Variants in EPHA7 observed in about 807,000 individuals in gnomAD.
EPHA7 encodes ephrin type-A receptor 7.
A neutral mutation model predicts 112.6 loss-of-function variants in EPHA7; 25 were observed. The ratio of observed to expected loss-of-function variants is 0.22; its 90% CI spans 0.16 to 0.31. The LOEUF (loss-of-function observed/expected upper bound fraction) is 0.31, where lower values mean the gene tolerates loss of function less well. Among genes scored for constraint, EPHA7 ranks in the 10% least tolerant of loss-of-function variants. The probability of loss-of-function intolerance (pLI) is 1.00; values close to 1 mark genes in which losing one functional copy is unlikely to be tolerated. For missense variants in EPHA7, 962 were observed against 1,212.6 expected (o/e 0.79, Z 3.07); for synonymous variants, 437 against 406.5 (o/e 1.07, Z -0.90).
At chr6:93,320,380 C>T (rs1486753) in intron 5 of EPHA7, among the ~76,000 whole-genome samples, 26,768 of 151,896 alleles carry the variant, frequency 0.18, 2,770 homozygotes, top group East Asian at 0.34. Flanking sequence ...CATTCCAAAA[C>T]AGAACTCTTT....
At chr6:93,366,987 C>T (rs933605132) in intron 3 of EPHA7, among the ~76,000 whole-genome samples, 1 of 151,442 alleles carries the variant, frequency 6.6e-6, no homozygotes, top group African/African-American at 2.4e-5. Flanking sequence ...ACAGGAAAAG[C>T]AGTAAAATAA....
intron 11 of EPHA7, 102 bp downstream of exon 11, chr6:93,257,997 G>T: frequency 8.9e-7 from 1 of 1,122,120 alleles, no homozygotes; most frequent in Non-Finnish European, 1.3e-6. Context: ...CATTCATTTA[G>T]ACTGTGCAAC....
At chr6:93,270,165 T>C (rs1016160715) in intron 6 of EPHA7, among the ~76,000 whole-genome samples, 1 of 151,610 alleles carries the variant, frequency 6.6e-6, no homozygotes, top group Non-Finnish European at 1.5e-5. Context: ...ACCCTGAATT[T>C]CTCACAGAAT....
chr6:93,307,538 T>C (rs1162273634), intron 5 of EPHA7, among the ~76,000 whole-genome samples: 1 of 152,136 alleles, frequency 6.6e-6, no homozygotes, highest in African/African-American at 2.4e-5. Flanking sequence ...ATCTATTCAA[T>C]GAAAACTAAA....
intron 5 of EPHA7, among the ~76,000 whole-genome samples, chr6:93,313,663 T>A (rs906627618): frequency 3.9e-5 from 6 of 152,038 alleles, no homozygotes; most frequent in Non-Finnish European, 7.4e-5. Flanking sequence ...ACCCAAGGCA[T>A]TTTTTCATAT....
At chr6:93,402,216 C>T (rs1210487168) in intron 3 of EPHA7, among the ~76,000 whole-genome samples, 3 of 151,900 alleles carry the variant, frequency 2.0e-5, no homozygotes, top group Non-Finnish European at 2.9e-5. Context: ...TTCTTTCTAT[C>T]CTTCTTTATT....
chr6:93,245,287 T>C lies in EPHA7; in HGVS notation c.2882+11A>G, dbSNP rs201162846. The C allele has an allele frequency of 8.1e-5, 130 of 1,610,710 alleles. No individual in the cohort carries two copies. The East Asian group carries it at 2.9e-3, about 36-fold the overall frequency. On this transcript the variant is annotated intron_variant, in intron 16 of 16. Coordinates refer to ENST00000369303, the MANE Select transcript of EPHA7 (RefSeq NM_004440.4). ...AAATCCTTAAATACAATTTTAAGAG[T>C]TTAAGCTTACTCAATAGTCATCCTG...
At chr6:93,286,420 G>A (rs1772067333) in intron 5 of EPHA7, among the ~76,000 whole-genome samples, 1 of 152,070 alleles carries the variant, frequency 6.6e-6, no homozygotes. Context: ...GCTGGGAAAT[G>A]GATTTTTAAA....
intron 5 of EPHA7, among the ~76,000 whole-genome samples, chr6:93,287,427 T>G (rs1772122288): frequency 6.6e-6 from 1 of 152,102 alleles, no homozygotes; most frequent in South Asian, 2.1e-4. Flanking sequence ...CTACTTTTCT[T>G]GGACTCTCAG....
In EPHA7 at chr6:93,356,911, C is replaced by T. The variant is rs758293765; in HGVS notation, c.1130G>A (p.Gly377Asp). 5 of 1,614,140 alleles carry T rather than the reference C, an allele frequency of 3.1e-6. No homozygotes were observed. Among genetic ancestry groups the T allele is most frequent in the Non-Finnish European group, 3.4e-6 (4 of 1,180,018 alleles). Residue 377 changes from glycine (G) to aspartate (D), a missense_variant, in exon 5 of 17, where the codon GGC becomes GAC. Physicochemically the swap from Gly to Asp is moderately conservative, Grantham distance 94. This residue lies in a region of EPHA7 where 746 missense variants were observed against 889.2 expected (regional missense o/e 0.84). Transcript: ENST00000369303. ...ILCKRCSWEQ[G>D]ECVPCGSNIG... is the part of the protein sequence containing the mutation. ...GTTACTCCCACAGGGAACACATTCGCCCTGCTCCCAACTGCACCGCTTACA... is the reference window on the plus strand; with the variant it reads ...GTTACTCCCACAGGGAACACATTCGTCCTGCTCCCAACTGCACCGCTTACA...
At chr6:93,345,853 T>G (rs900811130) in intron 5 of EPHA7, among the ~76,000 whole-genome samples, 2 of 151,644 alleles carry the variant, frequency 1.3e-5, no homozygotes, top group Non-Finnish European at 3.0e-5. Context: ...GTACAGATGT[T>G]TTTTTGGATG....
intron 3 of EPHA7, among the ~76,000 whole-genome samples, chr6:93,388,510 G>A (rs1447011781): frequency 2.0e-5 from 3 of 152,096 alleles, no homozygotes; most frequent in South Asian, 2.1e-4. Context: ...CATTAGGTGA[G>A]TTAGGCAGGG....
At chr6:93,248,010 A>G (rs1770035007) in intron 14 of EPHA7, among the ~76,000 whole-genome samples, 1 of 152,148 alleles carries the variant, frequency 6.6e-6, no homozygotes, top group Non-Finnish European at 1.5e-5. Flanking sequence ...CAGCAGAAAT[A>G]AGAAGGGATC....
At chr6:93,340,132 C>A (rs79482917) in intron 5 of EPHA7, among the ~76,000 whole-genome samples, 7,427 of 151,776 alleles carry the variant, frequency 0.049, 260 homozygotes, top group South Asian at 0.087. Flanking sequence ...ATAAACAAAA[C>A]AATTTCTTTA....
chr6:93,386,719 C>A (rs997063018), intron 3 of EPHA7, among the ~76,000 whole-genome samples: 3 of 150,922 alleles, frequency 2.0e-5, no homozygotes, highest in African/African-American at 7.4e-5. Flanking sequence ...TTCCATGCAT[C>A]ATCTGAAATT....
chr6:93,274,150 G>A (rs141941978), intron 5 of EPHA7, among the ~76,000 whole-genome samples: 94 of 151,970 alleles, frequency 6.2e-4, no homozygotes, highest in South Asian at 1.5e-3. Flanking sequence ...TAGAGAGCTC[G>A]TATGTGTAAA....
intron 3 of EPHA7, among the ~76,000 whole-genome samples, chr6:93,402,008 T>C (rs554651860): frequency 4.2e-4 from 64 of 152,116 alleles, no homozygotes; most frequent in African/African-American, 1.4e-3. Flanking sequence ...ATTTGTATTA[T>C]AACTGCCTGC....
At chr6:93,364,535 C>CAAA (rs35503890) in intron 3 of EPHA7, among the ~76,000 whole-genome samples, 4,705 of 90,176 alleles carry the variant, frequency 0.052, 130 homozygotes, top group Non-Finnish European at 0.066. Context: ...AACTCCGTCT[C>CAAA]AAAAAAAAAA....
chr6:93,310,107 A>C (rs2127862822), intron 5 of EPHA7, among the ~76,000 whole-genome samples: 1 of 152,302 alleles, frequency 6.6e-6, no homozygotes, highest in African/African-American at 2.4e-5. Flanking sequence ...CTTCAATAAA[A>C]ATGAATTATT....
Sources: gnomAD v4.1 joint callset for allele counts (sites outside exome capture counted in the v4.1 genomes callset) on GRCh38, gnomAD v4.1.1 for gene constraint, gnomAD v4.1.1 regional missense constraint, MANE v1.5 for transcripts, NCBI Gene and HGNC (gene_info 2026-07-23, HGNC 2026-07-21) for gene names.